The following MGAT5 variants were observed in gnomAD, a reference collection of about 807,000 sequenced individuals.
MGAT5 encodes alpha-1,6-mannosylglycoprotein 6-beta-N-acetylglucosaminyltransferase, also known as alpha-1,6-mannosylglycoprotein 6-beta-N-acetylglucosaminyltransferase A.
In MGAT5, 30 loss-of-function variants were observed where a neutral mutation model predicts 94.3. The observed-to-expected ratio is 0.32, with a 90% CI of 0.24 to 0.43. The LOEUF (loss-of-function observed/expected upper bound fraction) is 0.43. Among genes scored for constraint, MGAT5 ranks in the 20% least tolerant of loss-of-function variants. The pLI, the probability that MGAT5 is intolerant of heterozygous loss-of-function variation, is 1.00. For missense variants in MGAT5, 691 were observed against 905.5 expected, an observed-to-expected ratio of 0.76 and a Z score of 3.04; for synonymous variants, 310 against 322.9, an observed-to-expected ratio of 0.96 and a Z score of 0.43.
intron 1 of MGAT5, among the ~76,000 whole-genome samples, chr2:134,228,743 G>A (rs541163595): frequency 6.6e-6 from 1 of 152,238 alleles, no homozygotes; most frequent in South Asian, 2.1e-4. Flanking sequence ...GCTTCCTCTG[G>A]CACCCCCTTG....
chr2:134,181,505 T>C (rs534267530), intron 1 of MGAT5, among the ~76,000 whole-genome samples: 1 of 152,332 alleles, frequency 6.6e-6, no homozygotes, highest in East Asian at 1.9e-4. Flanking sequence ...AGGGGACACA[T>C]TGTCTGTAGA....
intron 13 of MGAT5, among the ~76,000 whole-genome samples, chr2:134,427,784 T>C (rs1332311194): frequency 2.0e-5 from 3 of 152,240 alleles, no homozygotes; most frequent in Non-Finnish European, 2.9e-5. Flanking sequence ...TGTGACACTT[T>C]ATAACTTTAT....
intron 9 of MGAT5, among the ~76,000 whole-genome samples, chr2:134,351,347 T>C (rs191428256): frequency 6.6e-6 from 1 of 152,124 alleles, no homozygotes; most frequent in South Asian, 2.1e-4. Flanking sequence ...CAGAATAGCC[T>C]AAGAAGTGAC....
Position 134,429,072 on chromosome 2 carries a change from A to G in MGAT5, c.1869+633A>G, listed in dbSNP as rs1425308829. Among the ~76,000 whole-genome samples, 4 of 152,350 alleles carry G rather than the reference A, an allele frequency of 2.6e-5. No individual in the cohort carries two copies. In the East Asian group the frequency reaches 5.8e-4, roughly 22 times the overall value. On this transcript the variant is annotated intron_variant, in intron 14 of 15. Coordinates refer to ENST00000281923, the MANE Select transcript of MGAT5 (RefSeq NM_002410.5). ...CTTCAAAAGCAACACAGAGCTAGAAATAGACGGACTCAGAACCCCTGTGGG... is the reference window on the plus strand; with the variant it reads ...CTTCAAAAGCAACACAGAGCTAGAAGTAGACGGACTCAGAACCCCTGTGGG...
At chr2:134,184,337 T>C (rs577182745) in intron 1 of MGAT5, among the ~76,000 whole-genome samples, 1 of 152,270 alleles carries the variant, frequency 6.6e-6, no homozygotes, top group East Asian at 1.9e-4. Context: ...CTCTAGACTT[T>C]CCTTGGCCTC....
chr2:134,189,604 T>TG (rs1689246740), intron 1 of MGAT5, among the ~76,000 whole-genome samples: 1 of 105,808 alleles, frequency 9.5e-6, no homozygotes, highest in African/African-American at 4.5e-5. Flanking sequence ...TTTTTTTTGT[T>TG]TTTTTTTTTT....
At chr2:134,335,164 C>G (rs1688259077) in intron 4 of MGAT5, among the ~76,000 whole-genome samples, 1 of 151,080 alleles carries the variant, frequency 6.6e-6, no homozygotes, top group Non-Finnish European at 1.5e-5. Context: ...CTTACCCAGA[C>G]TGAGAGGGCA....
intron 2 of MGAT5, among the ~76,000 whole-genome samples, chr2:134,313,869 G>T (rs1686845897): frequency 6.6e-6 from 1 of 152,164 alleles, no homozygotes; most frequent in Admixed American, 6.5e-5. Context: ...AAGAGAGCTT[G>T]TGTATAGTAA....
At chr2:134,281,389 C>A (rs1194598044) in intron 2 of MGAT5, among the ~76,000 whole-genome samples, 1 of 152,166 alleles carries the variant, frequency 6.6e-6, no homozygotes, top group Non-Finnish European at 1.5e-5. Context: ...ACTAGGGCTC[C>A]TTTTGGGAAT....
chr2:134,135,347 C>G (rs1558950228), intron 1 of MGAT5, among the ~76,000 whole-genome samples: 1 of 151,984 alleles, frequency 6.6e-6, no homozygotes, highest in Non-Finnish European at 1.5e-5. Flanking sequence ...AATGTTTTTT[C>G]TCTAGACTAA....
intron 9 of MGAT5, among the ~76,000 whole-genome samples, chr2:134,356,524 A>G (rs1356327103): frequency 1.3e-5 from 2 of 152,112 alleles, no homozygotes; most frequent in African/African-American, 2.4e-5. Context: ...TCTGTTCTCC[A>G]GAAGCTTACT....
chr2:134,432,866 C>T (rs74624694), intron 14 of MGAT5, among the ~76,000 whole-genome samples: 3,200 of 152,332 alleles, frequency 0.021, 105 homozygotes, highest in African/African-American at 0.073. Flanking sequence ...CTCTCAAAGC[C>T]TTCGCTACGA....
chr2:134,381,485 A>G (rs1681608439), intron 10 of MGAT5, among the ~76,000 whole-genome samples: 1 of 150,054 alleles, frequency 6.7e-6, no homozygotes, highest in South Asian at 2.1e-4. Context: ...AGGTAGAGAA[A>G]TAGACAGACC....
intron 12 of MGAT5, among the ~76,000 whole-genome samples, chr2:134,417,012 C>G (rs985035127): frequency 1.3e-5 from 2 of 151,676 alleles, no homozygotes; most frequent in African/African-American, 4.8e-5. Context: ...ATATATAAAT[C>G]ATTTTGTTTA....
intron 1 of MGAT5, among the ~76,000 whole-genome samples, chr2:134,228,936 G>A (rs74966627): frequency 0.016 from 2,401 of 152,292 alleles, 41 homozygotes; most frequent in East Asian, 0.1. Context: ...TTCTTCATGG[G>A]TGTTTTCTCA....
intron 10 of MGAT5, among the ~76,000 whole-genome samples, chr2:134,394,543 T>TC (rs573783106): frequency 1.3e-5 from 2 of 152,248 alleles, no homozygotes; most frequent in East Asian, 3.9e-4. Context: ...GATAGAATTC[T>TC]CCCCCCTTCT....
intron 10 of MGAT5, among the ~76,000 whole-genome samples, chr2:134,387,753 G>C (rs780526384): frequency 6.6e-6 from 1 of 151,940 alleles, no homozygotes. Flanking sequence ...TGGTGAAGGG[G>C]AACAAAAAAA....
intron 1 of MGAT5, among the ~76,000 whole-genome samples, chr2:134,178,864 G>A (rs1458815773): frequency 1.3e-5 from 2 of 152,122 alleles, no homozygotes; most frequent in Non-Finnish European, 2.9e-5. Flanking sequence ...TTTACTGAAT[G>A]TTTCCTGTGT....
chr2:134,203,922 A>G (rs1679914704), intron 1 of MGAT5, among the ~76,000 whole-genome samples: 1 of 152,112 alleles, frequency 6.6e-6, no homozygotes, highest in Admixed American at 6.5e-5. Context: ...CTTTGCAGGT[A>G]TGTTGTGGGG....
Sources: gnomAD v4.1 joint callset for allele counts (sites outside exome capture counted in the v4.1 genomes callset) on GRCh38, gnomAD v4.1.1 for gene constraint, MANE v1.5 for transcripts, NCBI Gene and HGNC (gene_info 2026-07-23, HGNC 2026-07-21) for gene names.